The following HECTD3 variants were observed in gnomAD, a reference collection of about 807,000 sequenced individuals.
HECTD3 encodes E3 ubiquitin-protein ligase HECTD3.
In HECTD3, 72 loss-of-function variants were observed where a neutral mutation model predicts 109.3. The ratio of observed to expected loss-of-function variants is 0.66; its 90% CI spans 0.54 to 0.80. HECTD3 has a LOEUF of 0.80. Among genes scored for constraint, HECTD3 ranks in the 30% least tolerant of loss-of-function variants. HECTD3 has a pLI of 0.00. For synonymous variants in HECTD3, 481 were observed against 471.8 expected (o/e 1.02, Z -0.25); for missense variants, 1,041 against 1,165.2 (o/e 0.89, Z 1.55).
rs1177571069 is a variant in HECTD3, at chr1:45,006,308, A to T, written c.1726-192T>A. On this transcript the variant is annotated intron_variant, in intron 13 of 20. Coordinates refer to ENST00000372172, the MANE Select transcript of HECTD3 (RefSeq NM_024602.6). This position sits in a 1 kb window ranked among gnomAD's most constrained non-coding sequence, Gnocchi z 4.7. ...TCAGTCCCTCCTCTGCCCTATTTCT[A>T]TTTTTTTTTTTTTTTGAGACAGAGT... is the stretch of plus-strand genomic sequence containing the variant. 2.1e-4 allele frequency: 89 copies of T among 423,796 alleles called. No homozygotes were observed. The highest frequency in any genetic ancestry group is 5.2e-4 in the South Asian group (14 of 27,174). The allele number at this position is 423,796 out of a possible 1,614,324, so 26.3% of individuals were successfully genotyped here. A position where few individuals can be genotyped will look rare whatever the true frequency, so the allele number is the denominator to read the frequency against.
chr1:45,007,128 GTGT>G, intron 11 of HECTD3, 88 bp downstream of exon 11: 1 of 2,462 alleles, frequency 4.1e-4, no homozygotes, highest in Non-Finnish European at 1.4e-3. Context: ...TCGAGCAGTT[GTGT>G]GTGTGTGTGT....
Position 45,003,510 on chromosome 1 carries a change from C to T in HECTD3, c.2568G>A (p.Met856Ile). The change falls in exon 21 of 21, where the codon ATG becomes ATA. Residue 856 changes from methionine (M) to isoleucine (I), a missense_variant. Met to Ile is a conservative substitution (Grantham distance 10). Coordinates refer to ENST00000372172, the MANE Select transcript of HECTD3 (RefSeq NM_024602.6). The surrounding 1 kb of genome is among the most constrained non-coding windows in gnomAD (Gnocchi z 4.7). ...AYNCVAIDTD[M>I]SPWEE Reference sequence around the variant, plus strand: ...GCACGCCTCACTCCTCCCAAGGGCTCATGTCAGTGTCGATGGCCACGCAGT... The same window carrying T: ...GCACGCCTCACTCCTCCCAAGGGCTTATGTCAGTGTCGATGGCCACGCAGT... 2 of 1,614,200 alleles carry T rather than the reference C, an allele frequency of 1.2e-6. No homozygotes were observed. Among genetic ancestry groups the T allele is most frequent in the Non-Finnish European group, 1.7e-6 (2 of 1,180,012 alleles).
chr1:45,011,175 C>CG lies in HECTD3; in HGVS notation c.82dup (p.Arg28ProfsTer70). ...CAGCGGCCGCCCGGCGCGGAGGCTC[C>CG]GCGCTGCCTCTGCCAAGAAGCGCAC... On this transcript the variant is annotated frameshift_variant, in exon 1 of 21. Transcript: ENST00000372172. LOFTEE classifies it high-confidence loss of function. 6.7e-7 allele frequency: 1 copy of CG among 1,489,414 alleles called. No individual in the cohort carries two copies. 92.3% of individuals were successfully genotyped at this position (1,489,414 alleles called of 1,614,324 possible).
rs1012434305 is a variant in HECTD3, at chr1:45,003,963, G to A, written c.2348-27C>T. 2 of 1,612,942 alleles carry A rather than the reference G, an allele frequency of 1.2e-6. No individual in the cohort carries two copies. The highest frequency in any genetic ancestry group is 1.3e-5 in the African/African-American group (1 of 74,896). On this transcript the variant is annotated intron_variant, in intron 18 of 20. Transcript: ENST00000372172. This position sits in a 1 kb window ranked among gnomAD's most constrained non-coding sequence, Gnocchi z 4.7. ...TGGAGGGAGAAGGAAATCAGTGCCT[G>A]CATGGATGGTGAGGGAGGGTCTACA...
Position 45,011,284 on chromosome 1 carries a change from GA to G in HECTD3, c.-28del. ...GCGAAGTGGCGGAGGTGAGCACCTA[GA>G]GGCGACCCTGCCCGGGGAACAGCTG... On this transcript the variant is annotated 5_prime_UTR_variant, in exon 1 of 21. Coordinates refer to ENST00000372172, the MANE Select transcript of HECTD3 (RefSeq NM_024602.6). 2.2e-6 allele frequency: 3 copies of G among 1,352,636 alleles called. No individual in the cohort carries two copies. Among genetic ancestry groups the G allele is most frequent in the Non-Finnish European group, 2.8e-6 (3 of 1,058,088 alleles). The allele number at this position is 1,352,636 out of a possible 1,614,324, so 83.8% of individuals were successfully genotyped here.
At chr1:45,010,769 G>A in intron 1 of HECTD3, 63 bp from the exon 2 acceptor site, 11 of 1,514,336 alleles carry the variant, frequency 7.3e-6, no homozygotes, top group Non-Finnish European at 9.7e-6. Flanking sequence ...GTCGTGCCCA[G>A]CCCAGGGCAA....
At chr1:45,009,866 T>C (rs780134261) in intron 4 of HECTD3, 120 bp downstream of exon 4, 3 of 1,291,800 alleles carry the variant, frequency 2.3e-6, no homozygotes, top group Non-Finnish European at 3.2e-6. Flanking sequence ...GGAGCTGAAC[T>C]GAGTGTGGCC....
In HECTD3 at chr1:45,010,043, A is replaced by G; in HGVS notation, c.702T>C (p.Asp234=). ...HFLYDHLGKE[D]ENLGSVKQYV... ...ACTGCTTCACGCTACCCAGGTTCTCATCCTCCTTGCCCAGGTGGTCATACA... is the reference window on the plus strand; with the variant it reads ...ACTGCTTCACGCTACCCAGGTTCTCGTCCTCCTTGCCCAGGTGGTCATACA... Residue 234 remains aspartate, a synonymous_variant, in exon 4 of 21, where the codon GAT becomes GAC. Transcript: ENST00000372172. The G allele has an allele frequency of 1.9e-6, 3 of 1,562,946 alleles. No individual in the cohort carries two copies. Among genetic ancestry groups the G allele is most frequent in the Non-Finnish European group, 2.6e-6 (3 of 1,150,368 alleles).
rs752190851 is a variant in HECTD3, at chr1:45,010,203, T to C, written c.621A>G (p.Leu207=). 3 of 1,613,964 alleles carry C rather than the reference T, an allele frequency of 1.9e-6. No homozygotes were observed. The highest frequency in any genetic ancestry group is 1.7e-6 in the Non-Finnish European group (2 of 1,179,960). The change falls in exon 3 of 21, where the codon CTA becomes CTG. Residue 207 remains leucine, a splice_region_variant and synonymous_variant. Transcript: ENST00000372172. The part of the protein sequence containing the change: ...AEAYAEAVQR[L]LYVPPTWTYE... ...CCACCCCATTCCAGCTCACTCACAGTAGCCTTTGTACAGCTTCTGCGTATG... is the reference window on the plus strand; with the variant it reads ...CCACCCCATTCCAGCTCACTCACAGCAGCCTTTGTACAGCTTCTGCGTATG...
rs1203177770 is a variant in HECTD3 at position 45,010,913 on chromosome 1, G to A, written c.345C>T (p.His115=). 2 of 1,545,704 alleles carry A rather than the reference G, an allele frequency of 1.3e-6. No homozygotes were observed. The highest frequency in any genetic ancestry group is 2.3e-5 in the East Asian group (1 of 43,532). Residue 115 remains histidine, a synonymous_variant, in exon 1 of 21, where the codon CAC becomes CAT. Transcript: ENST00000372172. The part of the protein sequence containing the change: ...RTTGEELCNG[H]GLWVKLTKEQ... ...CCTTTGTCAGCTTCACCCAGAGCCC[G>A]TGGCCATTGCACAGCTCCTCGCCCG... is the stretch of plus-strand genomic sequence containing the variant.
chr1:45,005,905 C>T, intron 14 of HECTD3, 22 bp from the exon 15 acceptor site: 1 of 1,604,596 alleles, frequency 6.2e-7, no homozygotes, highest in South Asian at 1.1e-5. Flanking sequence ...ACACTCCCCA[C>T]TGTCTTCTCA....
At chr1:45,008,357 A>G (rs778786898) in intron 8 of HECTD3, 36 bp from the exon 9 acceptor site, 12 of 1,578,126 alleles carry the variant, frequency 7.6e-6, no homozygotes, top group Non-Finnish European at 1.0e-5. Flanking sequence ...TAAAGAGTTT[A>G]GCATACCTGT....
chr1:45,004,834 A>G (rs1162084678), intron 15 of HECTD3, 28 bp from the exon 16 acceptor site: 1 of 1,597,330 alleles, frequency 6.3e-7, no homozygotes, highest in South Asian at 1.1e-5. Flanking sequence ...GCAGGGAGGT[A>G]ACCTTTTCAC....
In HECTD3 at chr1:45,010,651, A is replaced by T. The variant is rs1279922882; in HGVS notation, c.425T>A (p.Val142Glu). 1 of 1,598,184 alleles carries T rather than the reference A, an allele frequency of 6.3e-7. No individual in the cohort carries two copies. The highest frequency in any genetic ancestry group is 1.3e-5 in the African/African-American group (1 of 74,690). ...DCGLQEGWLLVCRPAEGGARL... is the reference protein window; with the variant it reads ...DCGLQEGWLLECRPAEGGARL... ...GGCTCCGCCCTCCGCCGGGCGGCAC[A>T]CCAGCAGCCAGCCTTCCTGCAGCCC... The change falls in exon 2 of 21, where the codon GTG becomes GAG. Residue 142 changes from valine (V) to glutamate (E), a missense_variant. By Grantham distance (121) the Val-to-Glu change is moderately radical (BLOSUM62 -2). This residue lies in a region of HECTD3 where 472 missense variants were observed against 449.9 expected (regional missense o/e 1.05). Transcript: ENST00000372172.
rs1410338195 is a variant in HECTD3 at position 45,010,574 on chromosome 1, AG to A, written c.501del (p.Phe168LeufsTer17). On this transcript the variant is annotated frameshift_variant, in exon 2 of 21. Transcript: ENST00000372172. LOFTEE classifies it high-confidence loss of function. ...TPNHLQRQQQ[L>X]FGVDYRPVLR... ...AGCACCGGCCGATAATCCACGCCAA[AG>A]AGCTGCTGCTGCCGCTGGAGGTGGT... 1.2e-6 allele frequency: 2 copies of A among 1,613,538 alleles called. No homozygotes were observed. The highest frequency in any genetic ancestry group is 1.7e-6 in the Non-Finnish European group (2 of 1,180,000).
intron 6 of HECTD3, 29 bp from the exon 7 acceptor site, chr1:45,009,255 A>G (rs753520293): frequency 6.3e-7 from 1 of 1,584,744 alleles, no homozygotes; most frequent in Non-Finnish European, 8.7e-7. Flanking sequence ...AGCACTTCAG[A>G]TACCTCCTGC....
intron 7 of HECTD3, 36 bp downstream of exon 7, chr1:45,009,108 G>A (rs570405474): frequency 7.8e-6 from 12 of 1,538,552 alleles, no homozygotes; most frequent in African/African-American, 2.7e-5. Flanking sequence ...TCTCCACGCC[G>A]GGCTCTCTTT....
Position 45,009,678 on chromosome 1 carries a change from C to T in HECTD3, c.765G>A (p.Glu255=). Residue 255 remains glutamate (E), a synonymous_variant, in exon 5 of 21, where the codon GAG becomes GAA. Transcript: ENST00000372172. ...TGTCTGTCAGGCAGGACACGTTGAA[C>T]TCCTCCTGGGGAGGGGCAGAGACGT... The part of the protein sequence containing the change: ...ESIDVSSYTE[E]FNVSCLTDSN... 1 of 1,612,982 alleles carries T rather than the reference C, an allele frequency of 6.2e-7. No individual in the cohort carries two copies.
chr1:45,004,479 G>C (rs755321806), intron 16 of HECTD3, 102 bp from the exon 17 acceptor site: 6 of 1,596,942 alleles, frequency 3.8e-6, no homozygotes, highest in Non-Finnish European at 4.3e-6. Flanking sequence ...AGGTGGCACT[G>C]AGGAATGGTG....
Sources: gnomAD v4.1 joint callset for allele counts on GRCh38, gnomAD v4.1.1 for gene constraint, gnomAD v4.1.1 regional missense constraint, Gnocchi (gnomAD v3.1) non-coding constraint, MANE v1.5 for transcripts, NCBI Gene and HGNC (gene_info 2026-07-23, HGNC 2026-07-21) for gene names.